The following CUL4A variants were observed in gnomAD, a reference collection of about 807,000 sequenced individuals.
CUL4A encodes cullin 4A.
In CUL4A, 16 loss-of-function variants were observed where a neutral mutation model predicts 95.5. The observed-to-expected ratio is 0.17, with a 90% confidence interval of 0.11 to 0.25. The LOEUF (loss-of-function observed/expected upper bound fraction) is 0.25. Ranked by LOEUF, CUL4A falls within the 10% of genes least tolerant of loss-of-function variation. The pLI is 1.00. For synonymous variants in CUL4A, 380 were observed against 353.1 expected, an observed-to-expected ratio of 1.08 and a Z score of -0.85; for missense variants, 610 against 937.0, an observed-to-expected ratio of 0.65 and a Z score of 4.56.
intron 10 of CUL4A, among the ~76,000 whole-genome samples, chr13:113,242,274 A>C (rs1390483397): frequency 6.6e-6 from 1 of 152,142 alleles, no homozygotes; most frequent in East Asian, 1.9e-4. Flanking sequence ...AAAACAAAAA[A>C]AAAAAAGTAC....
At chr13:113,242,943 AG>A (rs1334159335) in intron 10 of CUL4A, 24 bp from the exon 11 acceptor site, 1 of 1,578,836 alleles carries the variant, frequency 6.3e-7, no homozygotes, top group Admixed American at 1.7e-5. Flanking sequence ...CATGTTGCTG[AG>A]TTGGTATTGA....
In CUL4A at chr13:113,267,024, A is replaced by G. The variant is rs545880392; in HGVS notation, c.*3442A>G. Reference sequence around the variant, plus strand: ...GAAATTTACTCTTAGCAATTTTGAAATGTACAATACTCAATTTTTGACTGT... The same window carrying G: ...GAAATTTACTCTTAGCAATTTTGAAGTGTACAATACTCAATTTTTGACTGT... On this transcript the variant is annotated 3_prime_UTR_variant, in exon 20 of 20. Transcript: ENST00000375440. 1 of 152,296 alleles carries G rather than the reference A, an allele frequency of 6.6e-6. No homozygotes were observed. The highest frequency in any genetic ancestry group is 1.5e-5 in the Non-Finnish European group (1 of 68,020). The allele number at this position is 152,296 out of a possible 1,614,324, so 9.4% of individuals were successfully genotyped here.
intron 9 of CUL4A, among the ~76,000 whole-genome samples, chr13:113,237,810 A>C (rs1305685008): frequency 1.3e-5 from 2 of 152,218 alleles, no homozygotes; most frequent in African/African-American, 2.4e-5. Flanking sequence ...ATTATGGCTA[A>C]TGAGATACTT....
chr13:113,257,618 C>T (rs909350757), intron 18 of CUL4A, among the ~76,000 whole-genome samples: 1 of 152,152 alleles, frequency 6.6e-6, no homozygotes, highest in African/African-American at 2.4e-5. Context: ...AAGGGGAGGG[C>T]CCAAGCCATT....
At chr13:113,251,222 T>C (rs767378890) in intron 15 of CUL4A, among the ~76,000 whole-genome samples, 2 of 152,126 alleles carry the variant, frequency 1.3e-5, no homozygotes, top group Non-Finnish European at 2.9e-5. Flanking sequence ...AGGAGGCGGT[T>C]CTGGAAATGA....
chr13:113,240,780 C>T (rs979959089), intron 10 of CUL4A, among the ~76,000 whole-genome samples: 4 of 151,942 alleles, frequency 2.6e-5, no homozygotes, highest in African/African-American at 4.8e-5. Context: ...GGGTTTCGGC[C>T]GAGGTCTAGA....
chr13:113,261,843 C>T (rs1338078332), intron 19 of CUL4A, among the ~76,000 whole-genome samples: 2 of 152,124 alleles, frequency 1.3e-5, no homozygotes, highest in African/African-American at 4.8e-5. Context: ...TGCAGTGGCA[C>T]GATCTCGGCT....
intron 3 of CUL4A, among the ~76,000 whole-genome samples, chr13:113,227,745 A>C (rs1477116615): frequency 1.3e-5 from 2 of 152,098 alleles, no homozygotes; most frequent in African/African-American, 2.4e-5. Flanking sequence ...CTCTACTAAA[A>C]ATACAAAAAA....
chr13:113,245,108 C>T, intron 13 of CUL4A, 44 bp from the exon 14 acceptor site: 2 of 1,610,496 alleles, frequency 1.2e-6, no homozygotes, highest in Non-Finnish European at 1.7e-6. Flanking sequence ...GGGTTGCTGC[C>T]CCGTGTGTTA....
At chr13:113,223,351 A>G (rs2040971606) in intron 3 of CUL4A, among the ~76,000 whole-genome samples, 2 of 152,184 alleles carry the variant, frequency 1.3e-5, no homozygotes, top group Non-Finnish European at 1.5e-5. Context: ...GGGATATTCC[A>G]GTACTTCAAG....
chr13:113,221,299 A>G (rs1189390516), intron 3 of CUL4A, among the ~76,000 whole-genome samples: 1 of 152,258 alleles, frequency 6.6e-6, no homozygotes, highest in African/African-American at 2.4e-5. Context: ...TTTTTAAGCA[A>G]GAAACCAGAA....
At chr13:113,218,054 T>C (rs1221552618) in intron 2 of CUL4A, among the ~76,000 whole-genome samples, 2 of 152,206 alleles carry the variant, frequency 1.3e-5, no homozygotes, top group Non-Finnish European at 2.9e-5. Flanking sequence ...CTGGCCAACA[T>C]GGCGAAACCC....
chr13:113,235,283 T>A (rs528941391), intron 8 of CUL4A, 138 bp downstream of exon 8: 23 of 611,470 alleles, frequency 3.8e-5, no homozygotes, highest in South Asian at 1.3e-4. Flanking sequence ...TATTTTACTT[T>A]GTTATTTGTC....
chr13:113,260,774 A>G lies in CUL4A; in HGVS notation c.2184+15A>G. 1 of 1,520,626 alleles carries G rather than the reference A, an allele frequency of 6.6e-7. No homozygotes were observed. Among genetic ancestry groups the G allele is most frequent in the Non-Finnish European group, 9.0e-7 (1 of 1,114,952 alleles). 94.2% of individuals were successfully genotyped at this position (1,520,626 alleles called of 1,614,324 possible). ...TTCCAGTAAAGGTAAATGTAACATT[A>G]GCATAATTAAATTTGTAGTATTTGC... On this transcript the variant is annotated intron_variant, in intron 19 of 19. Transcript: ENST00000375440.
rs189403849 is a variant in CUL4A, at chr13:113,263,287, C to T, written c.2185-200C>T. Among the ~76,000 whole-genome samples, 61 of 152,216 alleles carry T rather than the reference C, an allele frequency of 4.0e-4. 1 individual carries two copies. The highest frequency in any genetic ancestry group is 1.9e-4 in the East Asian group (1 of 5,186). ...GGACGCTTTTTTTATCAAGAGATAA[C>T]GTTAACTTTGTCTTTAAAATAGAAA... is the stretch of plus-strand genomic sequence containing the variant. On this transcript the variant is annotated intron_variant, in intron 19 of 19. Coordinates refer to ENST00000375440, the MANE Select transcript of CUL4A (RefSeq NM_001008895.4).
chr13:113,228,620 T>A (rs534232920), intron 4 of CUL4A, among the ~76,000 whole-genome samples: 20 of 152,016 alleles, frequency 1.3e-4, no homozygotes, highest in South Asian at 4.2e-4. Context: ...TTTGGTGAGA[T>A]GCGTTCACAA....
chr13:113,222,031 G>T (rs1342455296), intron 3 of CUL4A, among the ~76,000 whole-genome samples: 1 of 152,224 alleles, frequency 6.6e-6, no homozygotes, highest in Non-Finnish European at 1.5e-5. Context: ...GGGATGCCAA[G>T]GTGGCACAGG....
upstream of CUL4A, chr13:113,208,257 C>T (rs1008005448): frequency 2.8e-6 from 4 of 1,440,832 alleles, no homozygotes; most frequent in South Asian, 2.8e-5. Context: ...AGCGGGCCCT[C>T]GGCGTGGCCC....
chr13:113,266,089 C>G lies in CUL4A; in HGVS notation c.*2507C>G, dbSNP rs2042392065. 1 of 152,182 alleles carries G rather than the reference C, an allele frequency of 6.6e-6. No individual in the cohort carries two copies. Among genetic ancestry groups the G allele is most frequent in the South Asian group, 2.1e-4 (1 of 4,838 alleles). 9.4% of individuals were successfully genotyped at this position (152,182 alleles called of 1,614,324 possible). A position where few individuals can be genotyped will look rare whatever the true frequency, so the allele number is the denominator to read the frequency against. On this transcript the variant is annotated 3_prime_UTR_variant, in exon 20 of 20. Transcript: ENST00000375440. ...GGAGTGCAGTGGCATGATCATGTTTCACGGCAGCCTCTACCTTCTGGGCTC... is the reference window on the plus strand; with the variant it reads ...GGAGTGCAGTGGCATGATCATGTTTGACGGCAGCCTCTACCTTCTGGGCTC...
Sources: allele counts gnomAD v4.1 joint callset (sites outside exome capture counted in the v4.1 genomes callset), GRCh38; gene constraint gnomAD v4.1.1; transcripts MANE v1.5; gene names NCBI Gene and HGNC (gene_info 2026-07-23, HGNC 2026-07-21).